PI16: variants seen among roughly 807,000 people sequenced by gnomAD.
PI16 encodes the protein PSP94-binding protein.
PI16 carries 35 observed loss-of-function variants against 38.0 expected under a neutral mutation model. That is an observed-to-expected ratio of 0.92 (90% CI 0.70 to 1.22). The LOEUF (loss-of-function observed/expected upper bound fraction) is 1.22. Among genes scored for constraint, PI16 ranks in the 50% most tolerant of loss-of-function variants. The pLI, the probability that PI16 is intolerant of heterozygous loss-of-function variation, is 0.00. For synonymous variants in PI16, 275 were observed against 252.9 expected (o/e 1.09, Z -0.83); for missense variants, 572 against 593.8 (o/e 0.96, Z 0.38).
At chr6:36,952,415 T>C (rs777779496), upstream of PI16, among the ~76,000 whole-genome samples, 5 of 152,234 alleles carry the variant, frequency 3.3e-5, no homozygotes, top group Non-Finnish European at 7.3e-5. Context: ...TATATTTTCT[T>C]CTAAGAGTTT....
At chr6:36,950,002 T>C (rs1763073850), upstream of PI16, among the ~76,000 whole-genome samples, 1 of 152,186 alleles carries the variant, frequency 6.6e-6, no homozygotes, top group Non-Finnish European at 1.5e-5. This position sits in a 1 kb window ranked among gnomAD's most constrained non-coding sequence, Gnocchi z 4.2. Context: ...GAATTCCTGT[T>C]TTTGTGGTGG....
At chr6:36,950,868 G>T (rs147897485), upstream of PI16, among the ~76,000 whole-genome samples, 1 of 152,100 alleles carries the variant, frequency 6.6e-6, no homozygotes. This position sits in a 1 kb window ranked among gnomAD's most constrained non-coding sequence, Gnocchi z 4.2. Context: ...ACTCTTTCGC[G>T]TATATACCCA....
upstream of PI16, among the ~76,000 whole-genome samples, chr6:36,951,744 CA>C (rs1465306167): frequency 6.6e-6 from 1 of 151,952 alleles, no homozygotes; most frequent in Non-Finnish European, 1.5e-5. Context: ...ACTAAAAATA[CA>C]AAACTTAGCC....
At chr6:36,959,497 C>G in intron 2 of PI16, 131 bp downstream of exon 2, 1 of 857,084 alleles carries the variant, frequency 1.2e-6, no homozygotes, top group Non-Finnish European at 1.8e-6. Flanking sequence ...GGCTTCACTC[C>G]AAGCCCCCTC....
chr6:36,959,605 G>A (rs1467075974), intron 2 of PI16, among the ~76,000 whole-genome samples: 2 of 152,244 alleles, frequency 1.3e-5, no homozygotes, highest in Non-Finnish European at 2.9e-5. Context: ...AGGCGCCGTA[G>A]CTCACCCCTG....
At chr6:36,949,757 CTT>C (rs1470152487), upstream of PI16, among the ~76,000 whole-genome samples, 2 of 152,118 alleles carry the variant, frequency 1.3e-5, no homozygotes, top group African/African-American at 4.8e-5. Context: ...TATTTGAAGT[CTT>C]TTTCAGATTG....
At chr6:36,949,519 C>A (rs142116143) in intron 1 of PI16, among the ~76,000 whole-genome samples, 3 of 152,298 alleles carry the variant, frequency 2.0e-5, no homozygotes, top group African/African-American at 7.2e-5. Flanking sequence ...AGCTTTGCCA[C>A]CTGAACACCC....
intron 1 of PI16, among the ~76,000 whole-genome samples, chr6:36,958,522 T>C (rs1310253499): frequency 6.6e-6 from 1 of 152,050 alleles, no homozygotes; most frequent in African/African-American, 2.4e-5. Context: ...CAGTGTCACA[T>C]AGAGACGCTT....
At position 36,961,942 on chromosome 6, in the gene PI16, C is replaced by T. The variant is rs567027248; in HGVS notation, c.560C>T (p.Pro187Leu). ...YQEGTPCSQC[P>L]SGYHCKNSLC... ...GAGGGGACTCCGTGCTCCCAATGTC[C>T]CTCTGGCTACCACTGCAAGAACTCC... Residue 187 changes from proline to leucine, a missense_variant, in exon 4 of 7, where the codon CCC (proline) becomes CTC (leucine). Pro to Leu is a moderately conservative substitution (Grantham distance 98, BLOSUM62 -3). Coordinates refer to ENST00000373674, the MANE Select transcript of PI16 (RefSeq NM_153370.3). 1.7e-5 allele frequency: 27 copies of T among 1,614,150 alleles called. No homozygotes were observed. The East Asian group carries it at 5.6e-4, about 33-fold the overall frequency.
chr6:36,951,275 C>G (rs1168449759), upstream of PI16, among the ~76,000 whole-genome samples: 1 of 152,160 alleles, frequency 6.6e-6, no homozygotes, highest in Non-Finnish European at 1.5e-5. Context: ...CAGGCTCTCC[C>G]TCTGTTGCCC....
intron 2 of PI16, 47 bp downstream of exon 2, chr6:36,959,413 G>A (rs1455013015): frequency 6.7e-7 from 1 of 1,500,070 alleles, no homozygotes; most frequent in African/African-American, 1.4e-5. Flanking sequence ...CGGCGTGGGG[G>A]TGGGGCCACG....
chr6:36,958,055 C>T (rs976607614), intron 1 of PI16, among the ~76,000 whole-genome samples: 1 of 152,226 alleles, frequency 6.6e-6, no homozygotes, highest in South Asian at 2.1e-4. Flanking sequence ...GTGGAGCTAT[C>T]CCAGCCAGGT....
intron 6 of PI16, 51 bp downstream of exon 6, chr6:36,964,013 C>T: frequency 6.5e-7 from 1 of 1,543,410 alleles, no homozygotes; most frequent in Non-Finnish European, 8.7e-7. Context: ...GGATTGTCTT[C>T]CTCCAAGTGA....
At chr6:36,961,231 T>C (rs12191672) in intron 2 of PI16, among the ~76,000 whole-genome samples, 18,954 of 152,172 alleles carry the variant, frequency 0.12, 1,434 homozygotes, top group Admixed American at 0.17. Context: ...CAAAGTGGTA[T>C]GTGTGGTTGG....
intron 1 of PI16, 67 bp from the exon 2 acceptor site, chr6:36,959,078 G>A: frequency 7.1e-7 from 1 of 1,408,952 alleles, no homozygotes; most frequent in Non-Finnish European, 9.7e-7. Flanking sequence ...CGACCTCCTC[G>A]ACCTTTTGCT....
intron 1 of PI16, 129 bp downstream of exon 1, chr6:36,955,060 A>G: frequency 1.4e-6 from 2 of 1,420,906 alleles, no homozygotes; most frequent in South Asian, 1.5e-5. Context: ...CTGGTCAGTG[A>G]CAGAGTCCCC....
chr6:36,962,062 C>A lies in PI16; in HGVS notation c.592+88C>A. ...GGTCTAAGAGCCTCCCTGGACTGAG[C>A]GGGACGTGGGCAGGGAAGGAGCCTG... On this transcript the variant is annotated intron_variant, in intron 4 of 6. Coordinates refer to ENST00000373674, the MANE Select transcript of PI16 (RefSeq NM_153370.3). The surrounding 1 kb of genome is among the most constrained non-coding windows in gnomAD (Gnocchi z 4.1). The A allele has an allele frequency of 8.5e-7, 1 of 1,179,878 alleles. No homozygotes were observed. Among genetic ancestry groups the A allele is most frequent in the Non-Finnish European group, 1.3e-6 (1 of 795,374 alleles). The allele number at this position is 1,179,878 out of a possible 1,614,324, so 73.1% of individuals were successfully genotyped here.
upstream of PI16, among the ~76,000 whole-genome samples, chr6:36,951,971 A>G (rs938939363): frequency 3.3e-5 from 5 of 151,518 alleles, no homozygotes; most frequent in Admixed American, 3.3e-4. Flanking sequence ...TGATTTGCAA[A>G]TATTTTTTCC....
intron 2 of PI16, 55 bp from the exon 3 acceptor site, chr6:36,961,396 G>T: frequency 6.7e-7 from 1 of 1,490,202 alleles, no homozygotes; most frequent in Non-Finnish European, 9.4e-7. Context: ...GGGATGCCAG[G>T]AAGGCACCAT....
Sources: gnomAD v4.1 joint callset for allele counts (sites outside exome capture counted in the v4.1 genomes callset) on GRCh38, gnomAD v4.1.1 for gene constraint, Gnocchi (gnomAD v3.1) non-coding constraint, MANE v1.5 for transcripts, NCBI Gene and HGNC (gene_info 2026-07-23, HGNC 2026-07-21) for gene names.